Variants in KCNT2 observed in about 807,000 individuals in gnomAD.
The protein encoded by KCNT2 is potassium channel subfamily T member 2.
Under a neutral mutation model 153.8 loss-of-function variants are expected in KCNT2, and 67 were observed. The observed-to-expected ratio is 0.44, with a 90% CI of 0.36 to 0.53. The LOEUF (loss-of-function observed/expected upper bound fraction) is 0.53, where lower values mean the gene tolerates loss of function less well. KCNT2 is among the 20% of genes least tolerant of loss of function. The pLI is 0.00. For missense variants in KCNT2, 975 were observed against 1,354.8 expected (o/e 0.72, Z 4.40); for synonymous variants, 500 against 458.8 (o/e 1.09, Z -1.15).
chr1:196,588,168 T>C (rs1388553465), intron 1 of KCNT2, among the ~76,000 whole-genome samples: 2 of 151,960 alleles, frequency 1.3e-5, no homozygotes, highest in Admixed American at 1.3e-4. Flanking sequence ...TGCAGGTTAT[T>C]TGAACATGGT....
At chr1:196,591,511 TA>T (rs1259125745) in intron 1 of KCNT2, among the ~76,000 whole-genome samples, 1 of 152,154 alleles carries the variant, frequency 6.6e-6, no homozygotes, top group Non-Finnish European at 1.5e-5. Flanking sequence ...ATGGCTTTGT[TA>T]AAAGAAGTTT....
chr1:196,255,060 C>A (rs917962163), intron 26 of KCNT2, among the ~76,000 whole-genome samples: 1 of 151,448 alleles, frequency 6.6e-6, no homozygotes, highest in African/African-American at 2.4e-5. Context: ...ATATATACTA[C>A]TAGAAATACC....
chr1:196,307,691 A>G (rs1414675260), intron 21 of KCNT2, among the ~76,000 whole-genome samples: 2 of 152,144 alleles, frequency 1.3e-5, no homozygotes, highest in Admixed American at 6.6e-5. Context: ...GAAACATTGT[A>G]TTATCCATAT....
intron 1 of KCNT2, among the ~76,000 whole-genome samples, chr1:196,564,234 GA>G (rs899021960): frequency 1.3e-5 from 2 of 150,916 alleles, no homozygotes; most frequent in African/African-American, 4.9e-5. Context: ...GAAACTATCT[GA>G]AAAAAAATTC....
intron 13 of KCNT2, 52 bp downstream of exon 13, chr1:196,398,511 A>T: frequency 1.1e-6 from 1 of 930,616 alleles, no homozygotes; most frequent in Non-Finnish European, 1.7e-6. Flanking sequence ...CCCTTAAGCC[A>T]CTATAGGAGT....
rs540991878 is a variant in KCNT2 at position 196,239,138 on chromosome 1, T to A, written c.3212-3068A>T. Among the ~76,000 whole-genome samples the A allele has an allele frequency of 2.0e-5, 3 of 152,022 alleles. No individual in the cohort carries two copies. In the South Asian group the frequency reaches 6.2e-4, roughly 32 times the overall value. The stretch of plus-strand genomic sequence containing the variant: ...AATAAATTTTATTTGGTAAATTAGC[T>A]TCATGAACAACAGAATCTATTTCTT... On this transcript the variant is annotated intron_variant, in intron 26 of 27. Coordinates refer to ENST00000294725, the MANE Select transcript of KCNT2 (RefSeq NM_198503.5).
chr1:196,542,075 T>C (rs1656453307), intron 1 of KCNT2, among the ~76,000 whole-genome samples: 1 of 152,008 alleles, frequency 6.6e-6, no homozygotes, highest in Non-Finnish European at 1.5e-5. Context: ...ATAAAAGTTA[T>C]ATATAAAACA....
chr1:196,334,212 G>A, intron 16 of KCNT2, 152 bp from the exon 17 acceptor site: 1 of 571,600 alleles, frequency 1.7e-6, no homozygotes, highest in African/African-American at 1.9e-5. Context: ...GTTTAGTTCT[G>A]ATAGCTAAAT....
intron 13 of KCNT2, among the ~76,000 whole-genome samples, chr1:196,390,540 C>A (rs946751): frequency 0.029 from 4,395 of 151,540 alleles, 89 homozygotes; most frequent in South Asian, 0.07. Flanking sequence ...TATCTTTCAC[C>A]TGGACAACTA....
chr1:196,441,342 A>G (rs1455171782), intron 8 of KCNT2, among the ~76,000 whole-genome samples: 1 of 151,216 alleles, frequency 6.6e-6, no homozygotes, highest in African/African-American at 2.4e-5. Flanking sequence ...ATATATTTAA[A>G]AAGTATTCAC....
At chr1:196,590,821 T>C (rs1663252078) in intron 1 of KCNT2, among the ~76,000 whole-genome samples, 1 of 152,100 alleles carries the variant, frequency 6.6e-6, no homozygotes, top group African/African-American at 2.4e-5. Context: ...CACCTCCAAA[T>C]CCCATGTTGA....
intron 1 of KCNT2, among the ~76,000 whole-genome samples, chr1:196,588,975 C>T (rs922206703): frequency 1.3e-5 from 2 of 151,666 alleles, no homozygotes; most frequent in Non-Finnish European, 3.0e-5. Flanking sequence ...CCCAAAAAGC[C>T]TATAAGTATT....
At chr1:196,396,185 G>A (rs187580650) in intron 13 of KCNT2, among the ~76,000 whole-genome samples, 6 of 151,704 alleles carry the variant, frequency 4.0e-5, no homozygotes, top group South Asian at 2.1e-4. Flanking sequence ...TCCTTAGAGA[G>A]GCTAAACTGG....
chr1:196,502,773 T>C (rs1680805097), intron 1 of KCNT2, among the ~76,000 whole-genome samples: 1 of 152,208 alleles, frequency 6.6e-6, no homozygotes, highest in Admixed American at 6.5e-5. Context: ...TTATGTTCAA[T>C]GTTCATTTGC....
chr1:196,315,542 C>T (rs940178362), intron 21 of KCNT2, among the ~76,000 whole-genome samples: 2 of 151,604 alleles, frequency 1.3e-5, no homozygotes, highest in Non-Finnish European at 3.0e-5. Flanking sequence ...TATGTAAATG[C>T]AAATATTTGG....
chr1:196,571,150 T>G (rs1237085772), intron 1 of KCNT2, among the ~76,000 whole-genome samples: 1 of 152,092 alleles, frequency 6.6e-6, no homozygotes, highest in East Asian at 1.9e-4. Flanking sequence ...ACATATTTGT[T>G]GAAATAATAG....
intron 25 of KCNT2, among the ~76,000 whole-genome samples, chr1:196,279,550 G>C (rs964062207): frequency 6.6e-6 from 1 of 151,576 alleles, no homozygotes; most frequent in African/African-American, 2.4e-5. Context: ...AGCCTCCCGA[G>C]TAGCTGGGAC....
At chr1:196,546,346 G>A (rs1449863764) in intron 1 of KCNT2, among the ~76,000 whole-genome samples, 1 of 151,998 alleles carries the variant, frequency 6.6e-6, no homozygotes, top group Non-Finnish European at 1.5e-5. Flanking sequence ...TTTGTCTCTA[G>A]CACAGTGGAA....
chr1:196,328,649 C>T (rs1029928057), intron 18 of KCNT2, among the ~76,000 whole-genome samples: 1 of 149,618 alleles, frequency 6.7e-6, no homozygotes, highest in African/African-American at 2.4e-5. Context: ...AAAAAAAAAC[C>T]AGAAAACTAA....
Sources: allele counts gnomAD v4.1 joint callset (sites outside exome capture counted in the v4.1 genomes callset), GRCh38; gene constraint gnomAD v4.1.1; transcripts MANE v1.5; gene names NCBI Gene and HGNC (gene_info 2026-07-23, HGNC 2026-07-21).